NTNG1: variants seen among roughly 807,000 people sequenced by gnomAD.
NTNG1 encodes netrin G1, also known as netrin-G1.
A neutral mutation model predicts 54.0 loss-of-function variants in NTNG1; 16 were observed. That is an observed-to-expected ratio of 0.30 (90% CI 0.20 to 0.45). NTNG1 has a LOEUF of 0.45. Among genes scored for constraint, NTNG1 ranks in the 20% least tolerant of loss-of-function variants. The pLI is 1.00. For missense variants in NTNG1, 530 were observed against 678.7 expected (o/e 0.78, Z 2.43); for synonymous variants, 255 against 263.1 (o/e 0.97, Z 0.30).
chr1:107,383,375 T>C (rs551507290), intron 3 of NTNG1, among the ~76,000 whole-genome samples: 14 of 152,302 alleles, frequency 9.2e-5, no homozygotes, highest in African/African-American at 2.9e-4. Context: ...AATTATATTG[T>C]TTAATCCAAG....
intron 2 of NTNG1, among the ~76,000 whole-genome samples, chr1:107,276,785 T>G (rs763744088): frequency 3.4e-4 from 51 of 151,980 alleles, no homozygotes; most frequent in Non-Finnish European, 6.6e-4. Context: ...TATTCATGCC[T>G]AGTATTCCCT....
At chr1:107,449,069 C>T (rs1201717433) in intron 7 of NTNG1, among the ~76,000 whole-genome samples, 2 of 151,982 alleles carry the variant, frequency 1.3e-5, no homozygotes, top group Non-Finnish European at 2.9e-5. Context: ...AAACTCATAA[C>T]TCAGTTAATT....
intron 2 of NTNG1, among the ~76,000 whole-genome samples, chr1:107,196,215 G>A (rs1658308718): frequency 6.6e-6 from 1 of 151,878 alleles, no homozygotes; most frequent in African/African-American, 2.4e-5. Flanking sequence ...GGTGGGAGTG[G>A]GGGCAGATGG....
At chr1:107,141,240 G>A (rs1232380178) in intron 1 of NTNG1, 100 bp downstream of exon 1, 2 of 151,742 alleles carry the variant, frequency 1.3e-5, no homozygotes, top group African/African-American at 2.4e-5. Context: ...CCGGGCTGCG[G>A]CGGTGGCGGC....
chr1:107,461,523 C>CTTTTTTTCTTT (rs375416902), intron 7 of NTNG1, among the ~76,000 whole-genome samples: 32 of 150,582 alleles, frequency 2.1e-4, no homozygotes, highest in African/African-American at 7.6e-4. Flanking sequence ...TATGGATTCT[C>CTTTTTTTCTTT]TTTTTTTCTT....
At chr1:107,347,021 A>C (rs2101944881) in intron 3 of NTNG1, among the ~76,000 whole-genome samples, 1 of 152,004 alleles carries the variant, frequency 6.6e-6, no homozygotes, top group South Asian at 2.1e-4. Flanking sequence ...GGAATAAAGA[A>C]CAAGGCAAAG....
intron 2 of NTNG1, among the ~76,000 whole-genome samples, chr1:107,177,136 A>C (rs1205659882): frequency 6.6e-6 from 1 of 152,194 alleles, no homozygotes; most frequent in African/African-American, 2.4e-5. Context: ...ACTGAGAATC[A>C]CATGTCTCTC....
intron 2 of NTNG1, among the ~76,000 whole-genome samples, chr1:107,214,359 A>G (rs1220423556): frequency 6.6e-6 from 1 of 152,154 alleles, no homozygotes; most frequent in Non-Finnish European, 1.5e-5. Context: ...TACGATTGAG[A>G]AGATACGATG....
chr1:107,251,828 A>G (rs1024891265), intron 2 of NTNG1, among the ~76,000 whole-genome samples: 1 of 152,086 alleles, frequency 6.6e-6, no homozygotes, highest in Non-Finnish European at 1.5e-5. Flanking sequence ...GTCCCTAAGC[A>G]CATTAGTTTC....
At chr1:107,397,734 C>CTTT (rs545551291) in intron 4 of NTNG1, among the ~76,000 whole-genome samples, 28 of 146,050 alleles carry the variant, frequency 1.9e-4, no homozygotes, top group South Asian at 1.3e-3. Flanking sequence ...CTTATCAAAC[C>CTTT]TTTTTTTTTT....
intron 2 of NTNG1, among the ~76,000 whole-genome samples, chr1:107,268,854 A>G (rs945781470): frequency 8.5e-5 from 13 of 152,184 alleles, no homozygotes; most frequent in African/African-American, 3.1e-4. Context: ...TCTTCATCAC[A>G]TGAAAAACCT....
intron 5 of NTNG1, among the ~76,000 whole-genome samples, chr1:107,427,653 T>G (rs1454657366): frequency 2.6e-5 from 4 of 152,122 alleles, no homozygotes; most frequent in African/African-American, 9.7e-5. Flanking sequence ...GACAGCTTTA[T>G]CAAAGTCTCA....
chr1:107,459,646 AGCATCACCACTG>A (rs1677159979), intron 7 of NTNG1, among the ~76,000 whole-genome samples: 1 of 152,234 alleles, frequency 6.6e-6, no homozygotes, highest in Admixed American at 6.5e-5. Flanking sequence ...AGGACTTAGC[AGCATCACCACTG>A]ATTTCTCCTG....
intron 7 of NTNG1, among the ~76,000 whole-genome samples, chr1:107,461,190 C>G (rs2101540827): frequency 6.6e-6 from 1 of 152,294 alleles, no homozygotes; most frequent in East Asian, 1.9e-4. Flanking sequence ...TGGTGGGAGG[C>G]ACATGGAAAA....
At chr1:107,285,931 C>G (rs1557869967) in intron 2 of NTNG1, among the ~76,000 whole-genome samples, 1 of 152,154 alleles carries the variant, frequency 6.6e-6, no homozygotes, top group East Asian at 1.9e-4. Context: ...ACCGCTATCT[C>G]TTGGAATTAG....
At chr1:107,142,205 T>G (rs1197912391) in intron 1 of NTNG1, among the ~76,000 whole-genome samples, 3 of 152,148 alleles carry the variant, frequency 2.0e-5, no homozygotes, top group African/African-American at 7.2e-5. Flanking sequence ...CTGAATATTA[T>G]TGGGCCTAAA....
At chr1:107,296,425 A>C (rs1665943984) in intron 2 of NTNG1, among the ~76,000 whole-genome samples, 1 of 151,976 alleles carries the variant, frequency 6.6e-6, no homozygotes, top group African/African-American at 2.4e-5. Flanking sequence ...CTGATTCGAC[A>C]ATCTAACTGG....
At chr1:107,246,515 C>T (rs1662214023) in intron 2 of NTNG1, among the ~76,000 whole-genome samples, 1 of 151,820 alleles carries the variant, frequency 6.6e-6, no homozygotes, top group Non-Finnish European at 1.5e-5. Flanking sequence ...TGGGGAAATA[C>T]CTTTAAACCT....
intron 2 of NTNG1, 33 bp downstream of exon 2, chr1:107,148,872 A>G: frequency 6.2e-7 from 1 of 1,601,670 alleles, no homozygotes; most frequent in Non-Finnish European, 8.5e-7. Context: ...AATATTTCAT[A>G]TAAATAGGGT....
Sources: allele counts gnomAD v4.1 joint callset (sites outside exome capture counted in the v4.1 genomes callset), GRCh38; gene constraint gnomAD v4.1.1; transcripts MANE v1.5; gene names NCBI Gene and HGNC (gene_info 2026-07-23, HGNC 2026-07-21).